Variants in SMIM41 observed in about 807,000 individuals in gnomAD.
SMIM41 encodes the protein small integral membrane protein 41.
intron 2 of SMIM41, among the ~76,000 whole-genome samples, chr12:52,098,369 A>G (rs1194576480): frequency 6.6e-6 from 1 of 152,028 alleles, no homozygotes; most frequent in Non-Finnish European, 1.5e-5. Context: ...CAGGTGGGGT[A>G]TACACCACCT....
At chr12:52,090,722 G>C (rs1939985437) in intron 2 of SMIM41, among the ~76,000 whole-genome samples, 1 of 152,224 alleles carries the variant, frequency 6.6e-6, no homozygotes, top group Non-Finnish European at 1.5e-5. Context: ...GCCTCTTCAT[G>C]CTCTGGCAGA....
chr12:52,102,987 C>T (rs879329759), intron 2 of SMIM41, among the ~76,000 whole-genome samples: 5 of 152,180 alleles, frequency 3.3e-5, no homozygotes, highest in African/African-American at 7.2e-5. Flanking sequence ...TGAAAAAACA[C>T]GCTGCAGTGC....
chr12:52,091,253 G>C (rs908639858), intron 2 of SMIM41, among the ~76,000 whole-genome samples: 1 of 152,160 alleles, frequency 6.6e-6, no homozygotes, highest in Non-Finnish European at 1.5e-5. Context: ...CGGGTTTCAG[G>C]TTTCAGGTGG....
chr12:52,104,578 GA>G (rs918813365), intron 2 of SMIM41, among the ~76,000 whole-genome samples: 1 of 149,902 alleles, frequency 6.7e-6, no homozygotes, highest in Non-Finnish European at 1.5e-5. Context: ...TCATCCTCAG[GA>G]AAAAAACAGG....
intron 2 of SMIM41, among the ~76,000 whole-genome samples, chr12:52,095,312 G>A (rs1386977363): frequency 4.0e-5 from 6 of 150,996 alleles, no homozygotes; most frequent in Non-Finnish European, 5.9e-5. Flanking sequence ...GATCCACATC[G>A]CAGGGGGGCG....
At chr12:52,104,480 G>A (rs1376418804) in intron 2 of SMIM41, among the ~76,000 whole-genome samples, 6,595 of 145,140 alleles carry the variant, frequency 0.045, no homozygotes, top group African/African-American at 0.13. Context: ...GGAGGACAGT[G>A]GACTTGTTCT....
intron 2 of SMIM41, among the ~76,000 whole-genome samples, chr12:52,097,372 A>T (rs1940118171): frequency 6.7e-6 from 1 of 149,346 alleles, no homozygotes; most frequent in Non-Finnish European, 1.5e-5. Context: ...ATTACGAGCC[A>T]CATTGCAGGG....
At chr12:52,092,008 GT>G (rs1387798326) in intron 2 of SMIM41, 1 of 152,184 alleles carries the variant, frequency 6.6e-6, no homozygotes, top group African/African-American at 2.4e-5. Flanking sequence ...ATGGATTTGC[GT>G]TTTCTCCCAG....
At chr12:52,096,586 G>A (rs114503961) in intron 2 of SMIM41, among the ~76,000 whole-genome samples, 4,607 of 151,686 alleles carry the variant, frequency 0.03, 234 homozygotes, top group African/African-American at 0.1. Context: ...AACATTAATA[G>A]TAATTATTAG....
In SMIM41 at chr12:52,080,021, C is replaced by T. The variant is rs1565664008; in HGVS notation, c.242C>T (p.Pro81Leu). The change falls in exon 1 of 3, where the codon CCG becomes CTG. Residue 81 changes from proline to leucine, a missense_variant. Transcript: ENST00000546390. ...CAGCGCGCGTCCCGCGAGCCCGAGC[C>T]GGGCAGTGCCAGCGGAGAGGACGGC... ...REQRASREPE[P>L]GSASGEDGDD... is the part of the protein sequence containing the mutation. The T allele has an allele frequency of 2.7e-6, 1 of 371,548 alleles. No individual in the cohort carries two copies. The allele number at this position is 371,548 out of a possible 1,614,324, so 23.0% of individuals were successfully genotyped here.
At position 52,079,789 on chromosome 12, in the gene SMIM41, T is replaced by C. The variant is rs1199895590; in HGVS notation, c.10T>C (p.Ser4Pro). 2.5e-6 allele frequency: 1 copy of C among 393,304 alleles called. No individual in the cohort carries two copies. Among genetic ancestry groups the C allele is most frequent in the African/African-American group, 2.1e-5 (1 of 48,344 alleles). 24.4% of individuals were successfully genotyped at this position (393,304 alleles called of 1,614,324 possible). Residue 4 changes from serine (S) to proline (P), a missense_variant, in exon 1 of 3, where the codon TCT (serine) becomes CCT (proline). Coordinates refer to ENST00000546390, the MANE Select transcript of SMIM41 (RefSeq NM_001369216.1). ...CAGCCGGCGCTGGAGCATGAACGGCTCTCAGGCGGGCGCCGCGGCTCAGGC... is the reference window on the plus strand; with the variant it reads ...CAGCCGGCGCTGGAGCATGAACGGCCCTCAGGCGGGCGCCGCGGCTCAGGC... MNG[S>P]QAGAAAQAAW...
chr12:52,082,583 T>C (rs113433925), intron 1 of SMIM41, among the ~76,000 whole-genome samples: 3,589 of 152,140 alleles, frequency 0.024, 63 homozygotes, highest in South Asian at 0.074. Flanking sequence ...CCCATCAGGC[T>C]CCAGCTGGGA....
At chr12:52,085,915 T>G (rs1939885795) in intron 2 of SMIM41, among the ~76,000 whole-genome samples, 1 of 152,202 alleles carries the variant, frequency 6.6e-6, no homozygotes, top group Non-Finnish European at 1.5e-5. Flanking sequence ...AGCTCAGCTG[T>G]GGCTCCTTGA....
intron 1 of SMIM41, among the ~76,000 whole-genome samples, chr12:52,083,645 G>T (rs1044454656): frequency 6.6e-6 from 1 of 152,160 alleles, no homozygotes; most frequent in Non-Finnish European, 1.5e-5. Context: ...TCACTGTTGG[G>T]GTCTGTCTCA....
intron 1 of SMIM41, 81 bp from the exon 2 acceptor site, chr12:52,083,813 T>A (rs1939852172): frequency 6.6e-6 from 1 of 152,236 alleles, no homozygotes; most frequent in Non-Finnish European, 1.5e-5. Flanking sequence ...ATAGGTAACA[T>A]GCTTATTTAT....
chr12:52,084,202 C>T (rs2603746), intron 2 of SMIM41, among the ~76,000 whole-genome samples: 29,239 of 151,752 alleles, frequency 0.19, 4,432 homozygotes, highest in African/African-American at 0.43. Context: ...GGTGAAACCC[C>T]GTCTCTACTA....
intron 2 of SMIM41, among the ~76,000 whole-genome samples, chr12:52,098,335 C>G (rs1940140305): frequency 6.6e-6 from 1 of 152,058 alleles, no homozygotes; most frequent in African/African-American, 2.4e-5. Flanking sequence ...TCCTCTCCCT[C>G]TTTGGATATT....
At chr12:52,088,410 C>T (rs1179875139) in intron 2 of SMIM41, among the ~76,000 whole-genome samples, 1 of 152,178 alleles carries the variant, frequency 6.6e-6, no homozygotes, top group East Asian at 1.9e-4. Flanking sequence ...GGGAATGAGC[C>T]TGGCATGTCT....
intron 2 of SMIM41, among the ~76,000 whole-genome samples, chr12:52,099,283 G>A (rs1298492555): frequency 6.6e-6 from 1 of 151,922 alleles, no homozygotes; most frequent in Non-Finnish European, 1.5e-5. Context: ...CACCTGCTGC[G>A]ATATTGGGAG....
Sources: gnomAD v4.1 joint callset for allele counts (sites outside exome capture counted in the v4.1 genomes callset) on GRCh38, gnomAD v4.1.1 for gene constraint, MANE v1.5 for transcripts, NCBI Gene and HGNC (gene_info 2026-07-23, HGNC 2026-07-21) for gene names.